PSD3: variants seen among roughly 807,000 people sequenced by gnomAD.
PSD3 encodes the protein PH and SEC7 domain-containing protein 3.
A neutral mutation model predicts 105.5 loss-of-function variants in PSD3; 49 were observed. The observed-to-expected ratio is 0.46, with a 90% confidence interval of 0.37 to 0.59. The LOEUF (loss-of-function observed/expected upper bound fraction) is 0.59. PSD3 is among the 20% of genes least tolerant of loss of function. The pLI is 0.00. For synonymous variants in PSD3, 557 were observed against 457.8 expected, an observed-to-expected ratio of 1.22 and a Z score of -2.77; for missense variants, 1,561 against 1,263.8, an observed-to-expected ratio of 1.24 and a Z score of -3.57.
At chr8:18,676,485 C>G (rs959317614) in intron 9 of PSD3, among the ~76,000 whole-genome samples, 17 of 152,320 alleles carry the variant, frequency 1.1e-4, no homozygotes, top group Admixed American at 7.8e-4. Flanking sequence ...GAGCCATTCT[C>G]TCTGCTCTCA....
chr8:18,620,615 A>AG (rs1806046748), intron 11 of PSD3, among the ~76,000 whole-genome samples: 1 of 152,026 alleles, frequency 6.6e-6, no homozygotes, highest in Non-Finnish European at 1.5e-5. Flanking sequence ...AGGCTGAGGT[A>AG]GGGGGGACTG....
chr8:18,896,122 T>C (rs1819133056), intron 2 of PSD3, among the ~76,000 whole-genome samples: 1 of 152,240 alleles, frequency 6.6e-6, no homozygotes, highest in African/African-American at 2.4e-5. Context: ...AGCTAACTCA[T>C]CCATGTTGCC....
At chr8:18,785,760 C>G (rs1366959769) in intron 8 of PSD3, among the ~76,000 whole-genome samples, 3 of 152,124 alleles carry the variant, frequency 2.0e-5, no homozygotes, top group Admixed American at 1.3e-4. Context: ...TTCACTTGAA[C>G]ACTTAGAGGC....
chr8:18,625,110 T>A (rs964243406), intron 11 of PSD3, among the ~76,000 whole-genome samples: 1 of 151,998 alleles, frequency 6.6e-6, no homozygotes, highest in East Asian at 1.9e-4. Context: ...CTTCTAAAAA[T>A]CTTAGAACCT....
intron 2 of PSD3, among the ~76,000 whole-genome samples, chr8:18,903,178 C>T (rs1159338761): frequency 6.6e-6 from 1 of 152,126 alleles, no homozygotes; most frequent in Non-Finnish European, 1.5e-5. Context: ...TTAGGGTATA[C>T]AGTGAAGCAC....
At chr8:18,715,392 T>G (rs1333500931) in intron 9 of PSD3, among the ~76,000 whole-genome samples, 1 of 152,206 alleles carries the variant, frequency 6.6e-6, no homozygotes, top group African/African-American at 2.4e-5. Flanking sequence ...AAACATATTA[T>G]TAATGTATCC....
At chr8:18,836,381 G>C (rs1413940851) in intron 4 of PSD3, among the ~76,000 whole-genome samples, 1 of 152,170 alleles carries the variant, frequency 6.6e-6, no homozygotes. Flanking sequence ...TTACACCATA[G>C]AATACCAAAA....
chr8:18,812,005 TAAC>T (rs1331495514), intron 4 of PSD3, among the ~76,000 whole-genome samples: 1 of 152,228 alleles, frequency 6.6e-6, no homozygotes, highest in Non-Finnish European at 1.5e-5. Context: ...TATTATTAAA[TAAC>T]GATTGCTTAC....
At chr8:18,662,197 T>C (rs901031413) in intron 9 of PSD3, among the ~76,000 whole-genome samples, 1 of 152,150 alleles carries the variant, frequency 6.6e-6, no homozygotes, top group Admixed American at 6.5e-5. Context: ...TTCAAGCCCT[T>C]ATCTTATTGA....
At chr8:18,816,652 G>A (rs758941974) in intron 4 of PSD3, among the ~76,000 whole-genome samples, 1 of 152,210 alleles carries the variant, frequency 6.6e-6, no homozygotes, top group Non-Finnish European at 1.5e-5. Context: ...TGCTAGGGGT[G>A]CAGCCTTGCC....
chr8:18,843,288 G>A (rs1182550002), intron 4 of PSD3, among the ~76,000 whole-genome samples: 1 of 149,294 alleles, frequency 6.7e-6, no homozygotes, highest in East Asian at 2.0e-4. Flanking sequence ...GTGAACCCGG[G>A]AGGCGGAGCT....
intron 9 of PSD3, chr8:18,683,685 T>A (rs1452536305): frequency 1.4e-6 from 1 of 703,548 alleles, no homozygotes; most frequent in Non-Finnish European, 2.6e-6. Flanking sequence ...TCTCAGTCTA[T>A]CACTGCACAT....
rs545102378 is a variant in PSD3 at position 18,852,155 on chromosome 8, GA to G, written c.1634+15518del. Among the ~76,000 whole-genome samples, 110 of 147,646 alleles carry G rather than the reference GA, an allele frequency of 7.5e-4. No homozygotes were observed. The Middle Eastern group carries it at 0.01, about 14-fold the overall frequency. ...AGAAATTGAGCCATTTTTGAGGCAG[GA>G]AAAAAAAAAGTCTTTAGTACTTAAT... On this transcript the variant is annotated intron_variant, in intron 4 of 15. Transcript: ENST00000327040.
At chr8:18,687,204 C>T (rs1185407416) in intron 9 of PSD3, among the ~76,000 whole-genome samples, 2 of 152,198 alleles carry the variant, frequency 1.3e-5, no homozygotes, top group East Asian at 3.9e-4. Context: ...TGGCTCACTC[C>T]TGTAATCCCA....
rs1807252921 is a variant in PSD3, at chr8:18,768,885, G to A, written c.2083-3347C>T. 2.0e-5 allele frequency among the ~76,000 whole-genome samples: 3 copies of A among 152,200 alleles called. 1 individual carries two copies. In the South Asian group the frequency reaches 6.2e-4, roughly 32 times the overall value. ...AAACACTGAAAAAAATGGTTTGACA[G>A]AAGTGGCTTTGTCAGCTAACTTATT... On this transcript the variant is annotated intron_variant, in intron 8 of 15. Coordinates refer to ENST00000327040, the MANE Select transcript of PSD3 (RefSeq NM_015310.4).
chr8:18,755,320 C>G (rs149174478), intron 9 of PSD3, among the ~76,000 whole-genome samples: 1 of 152,194 alleles, frequency 6.6e-6, no homozygotes, highest in East Asian at 1.9e-4. Flanking sequence ...ATCTCAGCTA[C>G]TTGGGAGGCT....
intron 1 of PSD3, among the ~76,000 whole-genome samples, chr8:18,961,389 TAA>T (rs1164166602): frequency 2.0e-5 from 3 of 152,006 alleles, no homozygotes; most frequent in African/African-American, 7.2e-5. Context: ...AGAAGAGCCA[TAA>T]AAATAAATAT....
intron 9 of PSD3, among the ~76,000 whole-genome samples, chr8:18,748,839 C>T (rs1326425906): frequency 6.6e-6 from 1 of 152,124 alleles, no homozygotes; most frequent in Non-Finnish European, 1.5e-5. Flanking sequence ...ACAAAGCCCA[C>T]TCAGAATGGT....
At position 18,936,157 on chromosome 8, in the gene PSD3, C is replaced by G; in HGVS notation, c.22-15G>C. The G allele has an allele frequency of 1.3e-6, 2 of 1,547,788 alleles. No individual in the cohort carries two copies. The highest frequency in any genetic ancestry group is 8.9e-7 in the Non-Finnish European group (1 of 1,123,614). On this transcript the variant is annotated splice_polypyrimidine_tract_variant and intron_variant, in intron 1 of 15. Transcript: ENST00000327040. ...AATGTCTCTGCCTGCAAAATAAGAA[C>G]AAAACAAAGACACATTTAAAATACA...
Sources: gnomAD v4.1 joint callset for allele counts (sites outside exome capture counted in the v4.1 genomes callset) on GRCh38, gnomAD v4.1.1 for gene constraint, MANE v1.5 for transcripts, NCBI Gene and HGNC (gene_info 2026-07-23, HGNC 2026-07-21) for gene names.